Variants in IQUB observed in about 807,000 individuals in gnomAD.
IQUB encodes the protein IQ motif and ubiquitin-like domain-containing protein.
A neutral mutation model predicts 86.4 loss-of-function variants in IQUB; 86 were observed. That is an observed-to-expected ratio of 1.00 (90% CI 0.84 to 1.19). The LOEUF (loss-of-function observed/expected upper bound fraction) is 1.19, where lower values mean the gene tolerates loss of function less well. Among genes scored for constraint, IQUB ranks in the 50% most tolerant of loss-of-function variants. The pLI, the probability that IQUB is intolerant of heterozygous loss-of-function variation, is 0.00. For synonymous variants in IQUB, 289 were observed against 304.5 expected (o/e 0.95, Z 0.53); for missense variants, 946 against 916.9 (o/e 1.03, Z -0.41).
chr7:123,504,010 T>TA (rs1031726291), intron 3 of IQUB, among the ~76,000 whole-genome samples: 11 of 152,172 alleles, frequency 7.2e-5, no homozygotes, highest in African/African-American at 1.9e-4. Context: ...TTCATTCTAT[T>TA]AAAAAAACGC....
chr7:123,475,373 C>CT (rs35957699), intron 8 of IQUB, among the ~76,000 whole-genome samples: 1,379 of 92,888 alleles, frequency 0.015, 25 homozygotes, highest in South Asian at 0.051. Context: ...CTCCATTTCA[C>CT]TTTTTTTTTT....
chr7:123,513,520 G>T (rs1461719152), intron 1 of IQUB, among the ~76,000 whole-genome samples: 1 of 152,182 alleles, frequency 6.6e-6, no homozygotes, highest in African/African-American at 2.4e-5. Flanking sequence ...ACTATGTGCG[G>T]TCTTTGCAGT....
At chr7:123,528,191 A>G (rs913959824) in intron 1 of IQUB, among the ~76,000 whole-genome samples, 1 of 152,042 alleles carries the variant, frequency 6.6e-6, no homozygotes, top group African/African-American at 2.4e-5. Context: ...CGGTGCACGC[A>G]CCCACTGACC....
At chr7:123,511,194 C>T (rs544989488) in intron 2 of IQUB, among the ~76,000 whole-genome samples, 13 of 152,200 alleles carry the variant, frequency 8.5e-5, no homozygotes, top group African/African-American at 2.9e-4. Context: ...ACCAGCCAAA[C>T]TAAGCTGCTG....
Position 123,504,928 on chromosome 7 carries a change from C to T in IQUB, c.533-1565G>A, listed in dbSNP as rs567876792. 5.0e-4 allele frequency among the ~76,000 whole-genome samples: 76 copies of T among 152,308 alleles called. 1 individual carries two copies. The highest frequency in any genetic ancestry group is 1.8e-3 in the African/African-American group (75 of 41,562). On this transcript the variant is annotated intron_variant, in intron 3 of 12. Coordinates refer to ENST00000324698, the MANE Select transcript of IQUB (RefSeq NM_178827.5). Reference sequence around the variant, plus strand: ...CTGAGACAAGGCAAGTCCCTTCCACCTATGAGCCTATAAAATCAAAAACAA... The same window carrying T: ...CTGAGACAAGGCAAGTCCCTTCCACTTATGAGCCTATAAAATCAAAAACAA...
At chr7:123,491,386 G>C (rs1350232019) in intron 7 of IQUB, among the ~76,000 whole-genome samples, 2 of 152,012 alleles carry the variant, frequency 1.3e-5, no homozygotes, top group East Asian at 3.9e-4. Flanking sequence ...AAATGGAACA[G>C]AGAAAAAGAA....
At chr7:123,517,129 C>G (rs1033502166) in intron 1 of IQUB, among the ~76,000 whole-genome samples, 3 of 152,176 alleles carry the variant, frequency 2.0e-5, no homozygotes, top group Admixed American at 6.5e-5. Flanking sequence ...AGCTTAGAAA[C>G]TCCAATCCTT....
At chr7:123,495,917 A>G (rs1003769682) in intron 7 of IQUB, among the ~76,000 whole-genome samples, 2 of 152,198 alleles carry the variant, frequency 1.3e-5, no homozygotes, top group African/African-American at 4.8e-5. Flanking sequence ...TTATTACTAA[A>G]GAAATAACTG....
chr7:123,464,754 C>A lies in IQUB; in HGVS notation c.1758+79G>T, dbSNP rs192129482. ...TGGACTCCCAAGTAAAGTGTTAAAGCAAAATTTGAATATACTTCAATTTAC... is the reference window on the plus strand; with the variant it reads ...TGGACTCCCAAGTAAAGTGTTAAAGAAAAATTTGAATATACTTCAATTTAC... On this transcript the variant is annotated intron_variant, in intron 10 of 12. Coordinates refer to ENST00000324698, the MANE Select transcript of IQUB (RefSeq NM_178827.5). 4.2e-6 allele frequency: 4 copies of A among 963,658 alleles called. No homozygotes were observed. The African/African-American group carries it at 5.1e-5, about 12-fold the overall frequency. The allele number at this position is 963,658 out of a possible 1,614,324, so 59.7% of individuals were successfully genotyped here. A position where few individuals can be genotyped will look rare whatever the true frequency, so the allele number is the denominator to read the frequency against.
At chr7:123,498,782 G>T (rs769364811) in intron 6 of IQUB, among the ~76,000 whole-genome samples, 1 of 152,166 alleles carries the variant, frequency 6.6e-6, no homozygotes, top group Non-Finnish European at 1.5e-5. Context: ...GGCTCACATT[G>T]TCCCTCACAT....
chr7:123,529,211 T>C (rs1797403075), intron 1 of IQUB, among the ~76,000 whole-genome samples: 1 of 152,148 alleles, frequency 6.6e-6, no homozygotes, highest in Non-Finnish European at 1.5e-5. Context: ...TTTCCAGGAA[T>C]TGTCTATAAA....
intron 10 of IQUB, among the ~76,000 whole-genome samples, chr7:123,463,725 C>G (rs909158925): frequency 1.5e-4 from 22 of 151,600 alleles, no homozygotes; most frequent in Non-Finnish European, 2.7e-4. Flanking sequence ...TTACATGACT[C>G]TATACATTTT....
chr7:123,522,569 C>T (rs1244906482), intron 1 of IQUB, among the ~76,000 whole-genome samples: 1 of 151,954 alleles, frequency 6.6e-6, no homozygotes, highest in African/African-American at 2.4e-5. Context: ...GCCTGGCACA[C>T]AATAAGCATA....
chr7:123,499,299 A>C (rs1795841060), intron 6 of IQUB, among the ~76,000 whole-genome samples: 1 of 151,960 alleles, frequency 6.6e-6, no homozygotes, highest in Admixed American at 6.6e-5. Flanking sequence ...TAGTAGAGAC[A>C]GGGTTTCACC....
intron 6 of IQUB, among the ~76,000 whole-genome samples, chr7:123,498,018 A>G (rs1795777389): frequency 6.6e-6 from 1 of 151,792 alleles, no homozygotes; most frequent in South Asian, 2.1e-4. Flanking sequence ...GGAGCAACAG[A>G]GATATTTGTC....
chr7:123,520,235 C>T (rs1009945167), intron 1 of IQUB, among the ~76,000 whole-genome samples: 12 of 151,822 alleles, frequency 7.9e-5, no homozygotes, highest in Admixed American at 3.3e-4. Context: ...GCTTTTTTTA[C>T]TGCAGGGATT....
intron 11 of IQUB, 111 bp downstream of exon 11, chr7:123,461,246 G>A: frequency 9.0e-7 from 1 of 1,106,842 alleles, no homozygotes; most frequent in Non-Finnish European, 1.3e-6. Context: ...ACAGTCTAGT[G>A]GAATAGAGAG....
At chr7:123,501,744 A>T (rs1795954391) in intron 6 of IQUB, 1 of 152,192 alleles carries the variant, frequency 6.6e-6, no homozygotes, top group Admixed American at 6.5e-5. Flanking sequence ...TCCAGACCTA[A>T]TGTTGGCCCA....
chr7:123,463,206 C>T (rs947703026), intron 10 of IQUB, among the ~76,000 whole-genome samples: 1 of 151,552 alleles, frequency 6.6e-6, no homozygotes, highest in African/African-American at 2.4e-5. Flanking sequence ...CAACATGGTG[C>T]AGTCAGTTTG....
Sources: gnomAD v4.1 joint callset for allele counts (sites outside exome capture counted in the v4.1 genomes callset) on GRCh38, gnomAD v4.1.1 for gene constraint, MANE v1.5 for transcripts, NCBI Gene and HGNC (gene_info 2026-07-23, HGNC 2026-07-21) for gene names.